Variants in TAF15 observed in about 807,000 individuals in gnomAD.
TAF15 encodes the protein TATA-binding protein-associated factor 2N.
Under a neutral mutation model 102.5 loss-of-function variants are expected in TAF15, and 37 were observed. The ratio of observed to expected loss-of-function variants is 0.36; its 90% confidence interval spans 0.28 to 0.47. TAF15 has a LOEUF of 0.47. Among genes scored for constraint, TAF15 ranks in the 20% least tolerant of loss-of-function variants. The pLI, the probability that TAF15 is intolerant of heterozygous loss-of-function variation, is 0.99. For missense variants in TAF15, 652 were observed against 760.7 expected (o/e 0.86, Z 1.68); for synonymous variants, 273 against 259.2 (o/e 1.05, Z -0.51).
At chr17:35,809,757 C>T (rs1379575593) in intron 1 of TAF15, 181 bp downstream of exon 1, 2 of 783,544 alleles carry the variant, frequency 2.6e-6, no homozygotes, top group Non-Finnish European at 4.1e-6. Flanking sequence ...CCAATGGCTC[C>T]CCGGCTGCAA....
chr17:35,825,969 A>T (rs1303512973), intron 7 of TAF15, among the ~76,000 whole-genome samples: 1 of 150,964 alleles, frequency 6.6e-6, no homozygotes, highest in Admixed American at 6.6e-5. Flanking sequence ...AAAAAACATT[A>T]AAAAAAAATG....
chr17:35,839,630 C>T (rs182731998), intron 11 of TAF15, among the ~76,000 whole-genome samples: 428 of 152,208 alleles, frequency 2.8e-3, no homozygotes, highest in Non-Finnish European at 4.7e-3. Flanking sequence ...GATCCGCCCA[C>T]CTCGGCCTCC....
chr17:35,827,120 G>C (rs148705479), intron 7 of TAF15, among the ~76,000 whole-genome samples: 5 of 151,880 alleles, frequency 3.3e-5, no homozygotes, highest in Admixed American at 6.6e-5. Flanking sequence ...GGCCGGGTGC[G>C]GTGGCTCACA....
intron 15 of TAF15, among the ~76,000 whole-genome samples, chr17:35,845,537 T>G (rs913364756): frequency 1.3e-5 from 2 of 152,218 alleles, no homozygotes; most frequent in Non-Finnish European, 2.9e-5. Flanking sequence ...ATTACAGATG[T>G]GAGCCACAGC....
intron 9 of TAF15, 138 bp downstream of exon 9, chr17:35,834,736 A>ATTTC (rs2087451342): frequency 4.2e-6 from 1 of 237,258 alleles, no homozygotes; most frequent in South Asian, 6.7e-5. Context: ...GGGGAGCTTT[A>ATTTC]TTTCTTTTTT....
intron 6 of TAF15, among the ~76,000 whole-genome samples, chr17:35,823,364 A>G (rs2087286283): frequency 6.6e-6 from 1 of 152,144 alleles, no homozygotes; most frequent in Non-Finnish European, 1.5e-5. Flanking sequence ...TCCATGCTCA[A>G]TTTACATTTA....
chr17:35,833,426 A>G (rs908200798), intron 7 of TAF15: 1 of 154,282 alleles, frequency 6.5e-6, no homozygotes, highest in Non-Finnish European at 1.4e-5. Flanking sequence ...AATTCATCTC[A>G]TAAAATCCAC....
At chr17:35,815,407 TTAC>T (rs2087183645) in intron 1 of TAF15, among the ~76,000 whole-genome samples, 1 of 152,228 alleles carries the variant, frequency 6.6e-6, no homozygotes. Context: ...AGGGACAGAT[TTAC>T]TAGTCAGTAC....
intron 5 of TAF15, among the ~76,000 whole-genome samples, chr17:35,821,745 A>G (rs2087260409): frequency 6.6e-6 from 1 of 152,248 alleles, no homozygotes; most frequent in Non-Finnish European, 1.5e-5. Context: ...TCGCTAGAAT[A>G]AGCAGTCTCA....
Position 35,846,760 on chromosome 17 carries a change from T to C in TAF15, c.1740-146T>C. 1.7e-5 allele frequency: 14 copies of C among 820,248 alleles called. No homozygotes were observed. The South Asian group carries it at 2.1e-4, about 12-fold the overall frequency. 50.8% of individuals were successfully genotyped at this position (820,248 alleles called of 1,614,324 possible). On this transcript the variant is annotated intron_variant, in intron 15 of 15. Coordinates refer to ENST00000605844, the MANE Select transcript of TAF15 (RefSeq NM_139215.3). Reference sequence around the variant, plus strand: ...GTAAATTAGACATTTAAGTATCTTCTAGGAGTACAGAAATAAATGAGGCAT... The same window carrying C: ...GTAAATTAGACATTTAAGTATCTTCCAGGAGTACAGAAATAAATGAGGCAT...
At chr17:35,827,267 C>T (rs1247872278) in intron 7 of TAF15, among the ~76,000 whole-genome samples, 2 of 148,402 alleles carry the variant, frequency 1.3e-5, no homozygotes, top group East Asian at 2.0e-4. Flanking sequence ...ACCCAGGAGG[C>T]GGAGCTTGCA....
At chr17:35,812,973 TA>T (rs1389072975) in intron 1 of TAF15, among the ~76,000 whole-genome samples, 1 of 151,606 alleles carries the variant, frequency 6.6e-6, no homozygotes, top group East Asian at 1.9e-4. Context: ...ACTAAAAGTA[TA>T]AAAATTGCCA....
chr17:35,841,302 G>A (rs904378460), intron 11 of TAF15, among the ~76,000 whole-genome samples: 1 of 152,238 alleles, frequency 6.6e-6, no homozygotes, highest in African/African-American at 2.4e-5. Context: ...ATAAGCATAT[G>A]TGTAGATAAA....
chr17:35,811,715 C>G (rs1422749214), intron 1 of TAF15: 1 of 152,146 alleles, frequency 6.6e-6, no homozygotes, highest in Non-Finnish European at 1.5e-5. Context: ...ATCAATAAAT[C>G]AAAATTGTAG....
At chr17:35,812,243 A>G (rs1289453426) in intron 1 of TAF15, among the ~76,000 whole-genome samples, 1 of 152,198 alleles carries the variant, frequency 6.6e-6, no homozygotes, top group African/African-American at 2.4e-5. Context: ...AGGAAACTTT[A>G]AGACAAATTA....
chr17:35,828,774 GT>G (rs1447308034), intron 7 of TAF15, among the ~76,000 whole-genome samples: 1 of 116,020 alleles, frequency 8.6e-6, no homozygotes, highest in African/African-American at 3.4e-5. Context: ...CTCTTCAAAT[GT>G]TTAAAAAAAA....
intron 1 of TAF15, chr17:35,817,110 AT>A (rs1568245782): frequency 6.6e-6 from 1 of 152,138 alleles, no homozygotes; most frequent in Non-Finnish European, 1.5e-5. Flanking sequence ...TCCCTTGGTC[AT>A]TTTTTTGATT....
Position 35,846,887 on chromosome 17 carries a change from C to G in TAF15, c.1740-19C>G, listed in dbSNP as rs755093875. ...TAGAAAATTAGAATTTAGTCCGGCT[C>G]TTTATTTTTCATTCCTAGAAACGAC... On this transcript the variant is annotated intron_variant, in intron 15 of 15. Coordinates refer to ENST00000605844, the MANE Select transcript of TAF15 (RefSeq NM_139215.3). 1.2e-6 allele frequency: 2 copies of G among 1,613,750 alleles called. No homozygotes were observed. Among genetic ancestry groups the G allele is most frequent in the East Asian group, 2.2e-5 (1 of 44,874 alleles).
chr17:35,833,015 G>A (rs1022683323), intron 7 of TAF15, among the ~76,000 whole-genome samples: 2 of 152,056 alleles, frequency 1.3e-5, no homozygotes, highest in Non-Finnish European at 2.9e-5. Context: ...AAGTTACCTG[G>A]GTGTGGCGAC....
Sources: allele counts gnomAD v4.1 joint callset (sites outside exome capture counted in the v4.1 genomes callset), GRCh38; gene constraint gnomAD v4.1.1; transcripts MANE v1.5; gene names NCBI Gene and HGNC (gene_info 2026-07-23, HGNC 2026-07-21).